PKD2: variants seen among roughly 807,000 people sequenced by gnomAD.
PKD2 encodes polycystin-2.
In PKD2, 48 loss-of-function variants were observed where a neutral mutation model predicts 105.9. The ratio of observed to expected loss-of-function variants is 0.45; its 90% CI spans 0.36 to 0.58. The LOEUF is 0.58. Among genes scored for constraint, PKD2 ranks in the 20% least tolerant of loss-of-function variants. PKD2 has a pLI of 0.00. For missense variants in PKD2, 1,078 were observed against 1,255.3 expected (o/e 0.86, Z 2.13); for synonymous variants, 464 against 481.1 (o/e 0.96, Z 0.46).
intron 4 of PKD2, among the ~76,000 whole-genome samples, chr4:88,038,769 C>T (rs1193713453): frequency 1.3e-5 from 2 of 152,122 alleles, no homozygotes; most frequent in African/African-American, 4.8e-5. Flanking sequence ...ATTATCTGAG[C>T]GTTTGAAAAT....
chr4:88,020,604 A>G (rs1726713560), intron 2 of PKD2, among the ~76,000 whole-genome samples: 1 of 152,218 alleles, frequency 6.6e-6, no homozygotes, highest in Non-Finnish European at 1.5e-5. Flanking sequence ...TGTCTCATCT[A>G]AAGTCTTCAC....
chr4:88,017,019 A>G (rs976317755), intron 1 of PKD2, among the ~76,000 whole-genome samples: 14 of 152,022 alleles, frequency 9.2e-5, no homozygotes, highest in African/African-American at 3.4e-4. Flanking sequence ...ATGGATGTAT[A>G]TCATATAAAA....
chr4:88,009,016 T>A (rs1263564882), intron 1 of PKD2, among the ~76,000 whole-genome samples: 1 of 152,210 alleles, frequency 6.6e-6, no homozygotes, highest in African/African-American at 2.4e-5. Context: ...TTAAAAAAAT[T>A]TGAAGTATGT....
rs988396505 is a variant in PKD2 at position 88,007,931 on chromosome 4, C to T, written c.198C>T (p.Asp66=). Residue 66 remains aspartate (D), a synonymous_variant, in exon 1 of 15, where the codon GAC becomes GAT. Transcript: ENST00000237596. Reference sequence around the variant, plus strand: ...GCATCCGGCAGGCGGCCGCGCGGGACCCCCCGGCCGGAGCCGCGGCCTCCC... The same window carrying T: ...GCATCCGGCAGGCGGCCGCGCGGGATCCCCCGGCCGGAGCCGCGGCCTCCC... The part of the protein sequence containing the change: ...MQRIRQAAAR[D]PPAGAAASPS... 3.5e-6 allele frequency: 5 copies of T among 1,447,998 alleles called. No individual in the cohort carries two copies. Among genetic ancestry groups the T allele is most frequent in the South Asian group, 1.3e-5 (1 of 75,668 alleles). The allele number at this position is 1,447,998 out of a possible 1,614,324, so 89.7% of individuals were successfully genotyped here.
At position 88,019,399 on chromosome 4, in the gene PKD2, A is replaced by G. The variant is rs750504141; in HGVS notation, c.596-59A>G. 5.8e-5 allele frequency: 51 copies of G among 876,088 alleles called. No individual in the cohort carries two copies. Among genetic ancestry groups the G allele is most frequent in the Admixed American group, 1.7e-4 (9 of 54,424 alleles). 54.3% of individuals were successfully genotyped at this position (876,088 alleles called of 1,614,324 possible). On this transcript the variant is annotated intron_variant, in intron 1 of 14. Coordinates refer to ENST00000237596, the MANE Select transcript of PKD2 (RefSeq NM_000297.4). Reference sequence around the variant, plus strand: ...TTTGTGCTTTATTTTCCCTTTTGCCATTCATGAGATTTCTTAAATAAAATG... The same window carrying G: ...TTTGTGCTTTATTTTCCCTTTTGCCGTTCATGAGATTTCTTAAATAAAATG...
At chr4:88,063,635 A>T (rs1175683548) in intron 10 of PKD2, among the ~76,000 whole-genome samples, 4 of 152,256 alleles carry the variant, frequency 2.6e-5, no homozygotes, top group Non-Finnish European at 5.9e-5. Flanking sequence ...TAATGGATTT[A>T]TAGAAGAAAT....
At chr4:88,075,427 C>G (rs745887441) in intron 14 of PKD2, 31 bp from the exon 15 acceptor site, 6 of 1,506,150 alleles carry the variant, frequency 4.0e-6, no homozygotes, top group Non-Finnish European at 3.7e-6. Context: ...CTTCTACTGC[C>G]CCCAACACCA....
At chr4:88,024,184 C>T (rs934359681) in intron 2 of PKD2, among the ~76,000 whole-genome samples, 6 of 151,892 alleles carry the variant, frequency 4.0e-5, no homozygotes, top group South Asian at 2.1e-4. Flanking sequence ...TGTCTGGGTA[C>T]GGTGGCTCAT....
Position 88,052,133 on chromosome 4 carries a change from TC to T in PKD2, c.1692del (p.Thr565GlnfsTer19). ...WQIQFNNIAA[V>X]TVFFVWIKLF... ...ATACAGTTCAACAATATAGCTGCTGTCACAGTATTTTTTGTCTGGATTAAGG... is the reference window on the plus strand; with the variant it reads ...ATACAGTTCAACAATATAGCTGCTGTACAGTATTTTTTGTCTGGATTAAGG... On this transcript the variant is annotated frameshift_variant, in exon 7 of 15. Coordinates refer to ENST00000237596, the MANE Select transcript of PKD2 (RefSeq NM_000297.4). LOFTEE classifies it high-confidence loss of function. 6.2e-7 allele frequency: 1 copy of T among 1,602,446 alleles called. No homozygotes were observed. Among genetic ancestry groups the T allele is most frequent in the South Asian group, 1.1e-5 (1 of 90,478 alleles).
intron 4 of PKD2, 101 bp downstream of exon 4, chr4:88,038,602 A>G: frequency 7.8e-7 from 1 of 1,286,284 alleles, no homozygotes; most frequent in South Asian, 1.2e-5. Flanking sequence ...CACCAAGGCA[A>G]AAATAAGTTC....
At chr4:88,023,996 T>A (rs1726859168) in intron 2 of PKD2, among the ~76,000 whole-genome samples, 1 of 152,208 alleles carries the variant, frequency 6.6e-6, no homozygotes, top group South Asian at 2.1e-4. Context: ...TCTCACTTTC[T>A]CTGTTATTTA....
At chr4:88,013,073 G>A (rs768084900) in intron 1 of PKD2, among the ~76,000 whole-genome samples, 2 of 151,998 alleles carry the variant, frequency 1.3e-5, no homozygotes, top group Non-Finnish European at 2.9e-5. Context: ...TTCGACTGTT[G>A]TGACTTTCCG....
At chr4:88,029,002 T>C (rs1727051048) in intron 2 of PKD2, among the ~76,000 whole-genome samples, 1 of 152,204 alleles carries the variant, frequency 6.6e-6, no homozygotes, top group Non-Finnish European at 1.5e-5. Flanking sequence ...CTTTGAAATG[T>C]TGACCAAACC....
At position 88,057,934 on chromosome 4, in the gene PKD2, G is replaced by C. The variant is rs773188646; in HGVS notation, c.1899-49G>C. ...TCTTTAAGAAATGTTGCATCAACTA[G>C]TGGACATTCTTTGTTTTTGTATTGT... On this transcript the variant is annotated intron_variant, in intron 8 of 14. Transcript: ENST00000237596. 5.2e-5 allele frequency: 74 copies of C among 1,422,576 alleles called. No individual in the cohort carries two copies. In the East Asian group the frequency reaches 1.6e-3, roughly 32 times the overall value. The allele number at this position is 1,422,576 out of a possible 1,614,324, so 88.1% of individuals were successfully genotyped here. A position where few individuals can be genotyped will look rare whatever the true frequency, so the allele number is the denominator to read the frequency against.
chr4:88,032,422 C>A (rs931173949), intron 2 of PKD2, among the ~76,000 whole-genome samples: 1 of 152,104 alleles, frequency 6.6e-6, no homozygotes, highest in African/African-American at 2.4e-5. Flanking sequence ...TCAGCACTTT[C>A]GGAGGCCGAG....
chr4:88,073,922 T>C lies in PKD2; in HGVS notation c.2523-890T>C, dbSNP rs190821847. The stretch of plus-strand genomic sequence containing the variant: ...AGAGGTTGTCTTTGGCTTACGAGTT[T>C]TTAAAGTATTTGTATACATTTTTTA... On this transcript the variant is annotated intron_variant, in intron 13 of 14. Transcript: ENST00000237596. 5.1e-3 allele frequency among the ~76,000 whole-genome samples: 775 copies of C among 152,312 alleles called. 7 individuals carry two copies. The highest frequency in any genetic ancestry group is 0.044 in the Middle Eastern group (13 of 294).
At chr4:88,012,801 T>C (rs1367024156) in intron 1 of PKD2, among the ~76,000 whole-genome samples, 1 of 152,174 alleles carries the variant, frequency 6.6e-6, no homozygotes, top group Non-Finnish European at 1.5e-5. Context: ...CTGTTGTAGC[T>C]ACCTGATGTA....
At position 88,011,724 on chromosome 4, in the gene PKD2, T is replaced by C. The variant is rs551001641; in HGVS notation, c.595+3396T>C. Among the ~76,000 whole-genome samples, 6 of 152,270 alleles carry C rather than the reference T, an allele frequency of 3.9e-5. No individual in the cohort carries two copies. In the East Asian group the frequency reaches 1.2e-3, roughly 29 times the overall value. On this transcript the variant is annotated intron_variant, in intron 1 of 14. Transcript: ENST00000237596. ...ACTTAAAAAAAGATTTGAACATGGC[T>C]TTGGTTGATGCTACCACACAGAAAC...
At chr4:88,050,335 T>C (rs1720020156) in intron 6 of PKD2, among the ~76,000 whole-genome samples, 1 of 152,156 alleles carries the variant, frequency 6.6e-6, no homozygotes, top group Non-Finnish European at 1.5e-5. Flanking sequence ...GCCACTGTTC[T>C]AGGCACTGGG....
Sources: allele counts gnomAD v4.1 joint callset (sites outside exome capture counted in the v4.1 genomes callset), GRCh38; gene constraint gnomAD v4.1.1; transcripts MANE v1.5; gene names NCBI Gene and HGNC (gene_info 2026-07-23, HGNC 2026-07-21).